SRGAP3: variants seen among roughly 807,000 people sequenced by gnomAD.
SRGAP3 encodes SLIT-ROBO Rho GTPase activating protein 3, also known as SLIT-ROBO Rho GTPase-activating protein 3.
A neutral mutation model predicts 121.1 loss-of-function variants in SRGAP3; 39 were observed. The ratio of observed to expected loss-of-function variants is 0.32; its 90% CI spans 0.25 to 0.42. The LOEUF (loss-of-function observed/expected upper bound fraction) is 0.42, where lower values mean the gene tolerates loss of function less well. Ranked by LOEUF, SRGAP3 falls within the 10% of genes least tolerant of loss-of-function variation. The probability of loss-of-function intolerance (pLI) is 1.00; values close to 1 mark genes in which losing one functional copy is unlikely to be tolerated. For synonymous variants in SRGAP3, 601 were observed against 570.0 expected, an observed-to-expected ratio of 1.05 and a Z score of -0.77; for missense variants, 1,213 against 1,470.6, an observed-to-expected ratio of 0.82 and a Z score of 2.86.
intron 1 of SRGAP3, chr3:9,194,104 A>AACTGAG (rs1258716684): frequency 6.6e-5 from 10 of 152,362 alleles, no homozygotes; most frequent in African/African-American, 2.4e-4. Context: ...GAAGAAAGAG[A>AACTGAG]ACTGAGACTG....
chr3:9,296,355 A>C (rs963767245), intron 3 of SRGAP3, among the ~76,000 whole-genome samples: 1 of 152,108 alleles, frequency 6.6e-6, no homozygotes, highest in Non-Finnish European at 1.5e-5. Flanking sequence ...GTGGTGTCTC[A>C]CTGTGTCTTC....
intron 4 of SRGAP3, among the ~76,000 whole-genome samples, chr3:9,068,099 T>C (rs554858939): frequency 3.9e-5 from 6 of 152,328 alleles, no homozygotes; most frequent in African/African-American, 1.4e-4. Context: ...GTGTTTTTCA[T>C]GTCTGGATCC....
chr3:9,112,224 G>C (rs1206678525), intron 2 of SRGAP3, among the ~76,000 whole-genome samples: 6 of 152,220 alleles, frequency 3.9e-5, no homozygotes, highest in African/African-American at 1.4e-4. Flanking sequence ...CTGGGAGGAA[G>C]GCAAGCTCCT....
At chr3:9,078,977 G>C (rs1230676834) in intron 4 of SRGAP3, among the ~76,000 whole-genome samples, 1 of 152,180 alleles carries the variant, frequency 6.6e-6, no homozygotes, top group Non-Finnish European at 1.5e-5. Context: ...CAGGCTTTCT[G>C]ACCTGAGGTC....
chr3:9,080,772 T>C (rs973868674), intron 3 of SRGAP3, among the ~76,000 whole-genome samples: 5 of 152,022 alleles, frequency 3.3e-5, no homozygotes, highest in African/African-American at 1.2e-4. Context: ...GGGATCTAGG[T>C]TGCACGCTCC....
At chr3:9,211,990 A>T (rs1952462933) in intron 1 of SRGAP3, among the ~76,000 whole-genome samples, 2 of 151,960 alleles carry the variant, frequency 1.3e-5, no homozygotes, top group South Asian at 4.2e-4. Flanking sequence ...CTCTGTCTTA[A>T]TTTCTCTGAG....
intron 1 of SRGAP3, among the ~76,000 whole-genome samples, chr3:9,170,525 G>C (rs769842088): frequency 1.3e-5 from 2 of 152,088 alleles, no homozygotes; most frequent in Non-Finnish European, 2.9e-5. Flanking sequence ...CTGCTTTTTA[G>C]GAAGTCGCAC....
chr3:9,104,927 TA>T, intron 2 of SRGAP3, 85 bp from the exon 3 acceptor site: 1 of 1,548,630 alleles, frequency 6.5e-7, no homozygotes, highest in Non-Finnish European at 8.9e-7. Flanking sequence ...TCAGCTCTTT[TA>T]ACCTCCACGG....
At chr3:9,313,741 T>G (rs775400712) in intron 3 of SRGAP3, among the ~76,000 whole-genome samples, 1 of 151,554 alleles carries the variant, frequency 6.6e-6, no homozygotes, top group African/African-American at 2.4e-5. Context: ...ACGCCTGTAA[T>G]CCCAGCATTC....
intron 3 of SRGAP3, among the ~76,000 whole-genome samples, chr3:9,291,108 TC>T (rs1017092077): frequency 3.3e-5 from 5 of 152,096 alleles, no homozygotes; most frequent in African/African-American, 7.2e-5. Context: ...GCAATAAAAT[TC>T]CCCCCTGAAT....
rs186122688 is a variant in SRGAP3, at chr3:9,265,117, A to G, written n.442+60893T>C. 3.1e-4 allele frequency among the ~76,000 whole-genome samples: 47 copies of G among 152,364 alleles called. 1 individual carries two copies. Among genetic ancestry groups the G allele is most frequent in the Admixed American group, 1.0e-3 (16 of 15,306 alleles). On this transcript the variant is annotated intron_variant and non_coding_transcript_variant, in intron 3 of 3. Coordinates refer to the SRGAP3 transcript ENST00000490889. ...TTGACAAACCTGACAAAAACAAGAA[A>G]TGGGGAAAGGATTCCCTATTTAATA...
chr3:9,153,527 T>A (rs367879291), intron 1 of SRGAP3, among the ~76,000 whole-genome samples: 104 of 152,156 alleles, frequency 6.8e-4, no homozygotes, highest in African/African-American at 2.4e-3. Context: ...AAAGAAAGAG[T>A]CAATGATTTT....
At chr3:9,254,489 T>C (rs1390795180), upstream of SRGAP3, among the ~76,000 whole-genome samples, 26 of 152,118 alleles carry the variant, frequency 1.7e-4, 1 homozygote, top group Non-Finnish European at 1.5e-5. Context: ...CCAAGTTTCT[T>C]TGGTGATCAT....
intron 1 of SRGAP3, among the ~76,000 whole-genome samples, chr3:9,151,188 A>G (rs774682912): frequency 6.6e-6 from 1 of 152,230 alleles, no homozygotes; most frequent in African/African-American, 2.4e-5. Context: ...AAGATGGGCC[A>G]TATCTGGCTG....
chr3:9,061,062 T>A (rs1329069991), intron 5 of SRGAP3, among the ~76,000 whole-genome samples: 1 of 152,102 alleles, frequency 6.6e-6, no homozygotes, highest in Non-Finnish European at 1.5e-5. Flanking sequence ...CAAAACCCCA[T>A]CTCTACTAAA....
chr3:9,177,868 C>T (rs970455838), intron 1 of SRGAP3, among the ~76,000 whole-genome samples: 3 of 152,070 alleles, frequency 2.0e-5, no homozygotes, highest in African/African-American at 7.2e-5. Context: ...AGGGATAGAC[C>T]CAGAGATGGA....
chr3:9,297,711 C>T (rs1483060058), intron 3 of SRGAP3, among the ~76,000 whole-genome samples: 6 of 152,132 alleles, frequency 3.9e-5, no homozygotes, highest in Middle Eastern at 3.4e-3. Context: ...GCCTGGCCAA[C>T]GTGGTGAAAC....
rs2029932569 is a variant in SRGAP3 at position 9,349,275 on chromosome 3, A to G, written n.214+13565T>C. 6.1e-6 allele frequency: 3 copies of G among 488,448 alleles called. No homozygotes were observed. The Admixed American group carries it at 8.9e-5, about 15-fold the overall frequency. The allele number at this position is 488,448 out of a possible 1,614,324, so 30.3% of individuals were successfully genotyped here. ...TGCCCCTCCCTCCTGCACATGTCAC[A>G]CTGACCACATCTGTAGGCATCTTGA... On this transcript the variant is annotated intron_variant and non_coding_transcript_variant, in intron 1 of 3. Coordinates refer to the SRGAP3 transcript ENST00000490889.
In SRGAP3 at chr3:9,104,854, A is replaced by C. The variant is rs1219472040; in HGVS notation, c.261-12T>G. 1 of 1,614,176 alleles carries C rather than the reference A, an allele frequency of 6.2e-7. No individual in the cohort carries two copies. The highest frequency in any genetic ancestry group is 2.2e-5 in the East Asian group (1 of 44,884). On this transcript the variant is annotated splice_polypyrimidine_tract_variant and intron_variant, in intron 2 of 21. Coordinates refer to ENST00000383836, the MANE Select transcript of SRGAP3 (RefSeq NM_014850.4). The stretch of plus-strand genomic sequence containing the variant: ...GGTACTGGTCCTTCCTGTGGAAACC[A>C]AGAAAGCTCAGGTTGGCTACATTGG...
Sources: allele counts gnomAD v4.1 joint callset (sites outside exome capture counted in the v4.1 genomes callset), GRCh38; gene constraint gnomAD v4.1.1; transcripts MANE v1.5; gene names NCBI Gene and HGNC (gene_info 2026-07-23, HGNC 2026-07-21).